The following MEI1 variants were observed in gnomAD, a reference collection of about 807,000 sequenced individuals.
MEI1 encodes the protein meiosis inhibitor protein 1.
A neutral mutation model predicts 146.2 loss-of-function variants in MEI1; 103 were observed. The observed-to-expected ratio is 0.70, with a 90% confidence interval of 0.60 to 0.83. The LOEUF (loss-of-function observed/expected upper bound fraction) is 0.83. Ranked by LOEUF, MEI1 falls within the 40% of genes least tolerant of loss-of-function variation. The probability of loss-of-function intolerance (pLI) is 0.00; values close to 1 mark genes in which losing one functional copy is unlikely to be tolerated. For missense variants in MEI1, 1,529 were observed against 1,533.0 expected, an observed-to-expected ratio of 1.00 and a Z score of 0.04; for synonymous variants, 652 against 628.2, an observed-to-expected ratio of 1.04 and a Z score of -0.57.
intron 2 of MEI1, among the ~76,000 whole-genome samples, chr22:41,703,845 G>T (rs959249726): frequency 6.6e-6 from 1 of 152,178 alleles, no homozygotes; most frequent in Non-Finnish European, 1.5e-5. Flanking sequence ...AATTAGCTCA[G>T]TGTGGTGGCG....
chr22:41,710,058 A>G (rs755916378), intron 3 of MEI1, among the ~76,000 whole-genome samples: 2 of 152,016 alleles, frequency 1.3e-5, no homozygotes, highest in African/African-American at 2.4e-5. Context: ...GCCTTTAAAA[A>G]GTTGATTAAG....
chr22:41,776,284 T>C lies in MEI1; in HGVS notation c.2710+17T>C, dbSNP rs1392565131. On this transcript the variant is annotated intron_variant, in intron 21 of 30. Transcript: ENST00000401548. ...CATCAGGAGGTCAGTCTGCAGGTGC[T>C]GTGGGCACACTTTGACCTGAAAGCC... The C allele has an allele frequency of 1.2e-6, 2 of 1,612,454 alleles. No homozygotes were observed. Among genetic ancestry groups the C allele is most frequent in the Non-Finnish European group, 1.7e-6 (2 of 1,179,590 alleles).
chr22:41,757,594 T>G (rs2074182175), intron 17 of MEI1, among the ~76,000 whole-genome samples: 1 of 151,954 alleles, frequency 6.6e-6, no homozygotes, highest in Non-Finnish European at 1.5e-5. Context: ...TGACCTCAGG[T>G]GATATACCCT....
chr22:41,726,452 A>G (rs565127214), intron 7 of MEI1, among the ~76,000 whole-genome samples: 1 of 152,364 alleles, frequency 6.6e-6, no homozygotes, highest in East Asian at 1.9e-4. Flanking sequence ...ACAACAGGGA[A>G]ACTAAAAATG....
Position 41,703,795 on chromosome 22 carries a change from T to A in MEI1, c.298+341T>A, listed in dbSNP as rs537230849. Among the ~76,000 whole-genome samples, 4 of 151,998 alleles carry A rather than the reference T, an allele frequency of 2.6e-5. No homozygotes were observed. The South Asian group carries it at 8.3e-4, about 32-fold the overall frequency. Reference sequence around the variant, plus strand: ...GGTCAAGAGTTAGAGACTAGCCTGGTCAACATGGTAAAACCCCCATCTCTA... The same window carrying A: ...GGTCAAGAGTTAGAGACTAGCCTGGACAACATGGTAAAACCCCCATCTCTA... On this transcript the variant is annotated intron_variant, in intron 2 of 30. Transcript: ENST00000401548.
In MEI1 at chr22:41,770,796, G is replaced by C; in HGVS notation, c.2379G>C (p.Met793Ile). Residue 793 changes from methionine to isoleucine, a missense_variant, in exon 20 of 31, where the codon ATG becomes ATC. This residue lies in a region of MEI1 where 1,212 missense variants were observed against 1,178.9 expected (regional missense o/e 1.03). Coordinates refer to ENST00000401548, the MANE Select transcript of MEI1 (RefSeq NM_152513.4). ...TCTTTCTGTTGTATCCAGAGCTCAT[G>C]AGTAGGTATGGGCACCGTGTCCTGG... is the stretch of plus-strand genomic sequence containing the variant. ...LRFFLLYPEL[M>I]SRYGHRVLEL... The C allele has an allele frequency of 6.2e-7, 1 of 1,613,970 alleles. No individual in the cohort carries two copies. The highest frequency in any genetic ancestry group is 1.1e-5 in the South Asian group (1 of 91,082).
intron 15 of MEI1, among the ~76,000 whole-genome samples, chr22:41,749,897 G>T (rs1247296947): frequency 3.9e-5 from 6 of 151,924 alleles, no homozygotes; most frequent in Admixed American, 6.6e-5. Flanking sequence ...GATCTGGTTT[G>T]GGGGGGTCAG....
chr22:41,760,332 A>T (rs1446515201), intron 18 of MEI1, among the ~76,000 whole-genome samples: 1 of 150,232 alleles, frequency 6.7e-6, no homozygotes, highest in Non-Finnish European at 1.5e-5. Context: ...AAAAAAGAAT[A>T]AAAAAAATAA....
chr22:41,703,265 C>T (rs1220966714), intron 1 of MEI1, 66 bp from the exon 2 acceptor site: 32 of 1,539,144 alleles, frequency 2.1e-5, no homozygotes, highest in African/African-American at 8.1e-5. Flanking sequence ...TTGGAAATTA[C>T]GGTTGTTGGA....
intron 9 of MEI1, 133 bp from the exon 10 acceptor site, chr22:41,732,112 A>G (rs984567697): frequency 3.3e-5 from 22 of 660,568 alleles, no homozygotes; most frequent in Non-Finnish European, 4.7e-5. Context: ...CATTAGCTCA[A>G]TCTTGTCAGG....
chr22:41,784,447 A>G (rs2075877939), intron 25 of MEI1, 27 bp downstream of exon 25: 1 of 1,612,522 alleles, frequency 6.2e-7, no homozygotes. Context: ...CTCCAGCAGA[A>G]GAAAAGCTTT....
chr22:41,725,124 T>A (rs994550175), intron 7 of MEI1, among the ~76,000 whole-genome samples: 7 of 151,772 alleles, frequency 4.6e-5, no homozygotes, highest in East Asian at 1.9e-4. Flanking sequence ...TATTATTATT[T>A]TTTTTTTGAG....
chr22:41,722,176 C>T (rs2070911218), intron 6 of MEI1: 1 of 152,032 alleles, frequency 6.6e-6, no homozygotes, highest in Non-Finnish European at 1.5e-5. Flanking sequence ...CCACCCTCTC[C>T]CCTCAGCCAG....
intron 3 of MEI1, among the ~76,000 whole-genome samples, chr22:41,711,373 G>T (rs1445842994): frequency 2.0e-5 from 3 of 152,094 alleles, no homozygotes; most frequent in South Asian, 4.2e-4. Flanking sequence ...CGATTTCACC[G>T]TGTTAGCCAG....
At chr22:41,700,927 ATTTC>A (rs1194118477) in intron 1 of MEI1, among the ~76,000 whole-genome samples, 32 of 135,686 alleles carry the variant, frequency 2.4e-4, no homozygotes, top group Non-Finnish European at 3.8e-4. Context: ...AAATATTTTG[ATTTC>A]TTTCTTTCTT....
intron 19 of MEI1, among the ~76,000 whole-genome samples, chr22:41,764,352 A>G (rs2074707329): frequency 6.6e-6 from 1 of 152,244 alleles, no homozygotes; most frequent in Admixed American, 6.5e-5. Flanking sequence ...TAATTAGTGG[A>G]TCTAGGCAAT....
intron 7 of MEI1, among the ~76,000 whole-genome samples, chr22:41,727,344 GC>G (rs2071444299): frequency 6.6e-6 from 1 of 152,106 alleles, no homozygotes; most frequent in Non-Finnish European, 1.5e-5. Context: ...TGCAGTTAAC[GC>G]TTTTCTTGAT....
chr22:41,779,141 A>G (rs1008047197), intron 22 of MEI1, among the ~76,000 whole-genome samples: 5 of 151,848 alleles, frequency 3.3e-5, no homozygotes, highest in African/African-American at 1.2e-4. Context: ...CCTGGGCAAC[A>G]TAGCAAGATC....
intron 3 of MEI1, 111 bp from the exon 4 acceptor site, chr22:41,713,891 C>T: frequency 1.2e-6 from 1 of 830,698 alleles, no homozygotes; most frequent in Non-Finnish European, 1.9e-6. Context: ...AGTATAATAC[C>T]AATTAGCCCA....
Sources: allele counts gnomAD v4.1 joint callset (sites outside exome capture counted in the v4.1 genomes callset), GRCh38; gene constraint gnomAD v4.1.1; regional missense constraint gnomAD v4.1.1; transcripts MANE v1.5; gene names NCBI Gene and HGNC (gene_info 2026-07-23, HGNC 2026-07-21).